Variants in MYO9A observed in about 807,000 individuals in gnomAD.
The protein encoded by MYO9A is unconventional myosin-IXa.
MYO9A carries 103 observed loss-of-function variants against 293.3 expected under a neutral mutation model. The ratio of observed to expected loss-of-function variants is 0.35; its 90% CI spans 0.30 to 0.41. The LOEUF is 0.41. Among genes scored for constraint, MYO9A ranks in the 10% least tolerant of loss-of-function variants. The pLI, the probability that MYO9A is intolerant of heterozygous loss-of-function variation, is 1.00. For missense variants in MYO9A, 2,685 were observed against 3,033.0 expected (o/e 0.89, Z 2.69); for synonymous variants, 1,001 against 1,035.7 (o/e 0.97, Z 0.64).
At chr15:71,880,843 G>A (rs2056851644) in intron 28 of MYO9A, among the ~76,000 whole-genome samples, 1 of 152,108 alleles carries the variant, frequency 6.6e-6, no homozygotes, top group Non-Finnish European at 1.5e-5. Flanking sequence ...GAAATGCTTT[G>A]CAGGACGTCA....
At chr15:71,913,426 C>T (rs2057918003) in intron 19 of MYO9A, among the ~76,000 whole-genome samples, 1 of 152,158 alleles carries the variant, frequency 6.6e-6, no homozygotes, top group South Asian at 2.1e-4. Context: ...CGTCCAGAGA[C>T]TCTGTCATCA....
chr15:72,051,402 C>T (rs1353162024), intron 1 of MYO9A, among the ~76,000 whole-genome samples: 1 of 152,118 alleles, frequency 6.6e-6, no homozygotes, highest in Non-Finnish European at 1.5e-5. Flanking sequence ...CGGCCACCTG[C>T]CCAGGTGGGC....
chr15:72,101,648 T>A, intron 1 of MYO9A, among the ~76,000 whole-genome samples: 1 of 105,132 alleles, frequency 9.5e-6, no homozygotes, highest in Admixed American at 1.0e-4. Context: ...GGTGGGGGGG[T>A]CAGGCCCCGC....
At chr15:71,851,214 G>A (rs1390653145) in intron 37 of MYO9A, 39 bp downstream of exon 37, 3 of 1,451,014 alleles carry the variant, frequency 2.1e-6, no homozygotes, top group African/African-American at 1.4e-5. Context: ...TAATCCAAGA[G>A]AAACTATTAA....
At chr15:72,018,982 T>C in intron 6 of MYO9A, 57 bp downstream of exon 6, 1 of 1,361,874 alleles carries the variant, frequency 7.3e-7, no homozygotes, top group Non-Finnish European at 1.0e-6. Context: ...TGGATGCAAA[T>C]GCGCAATGTG....
chr15:72,004,126 T>C (rs1193168634), intron 8 of MYO9A, among the ~76,000 whole-genome samples: 4 of 152,242 alleles, frequency 2.6e-5, no homozygotes, highest in Non-Finnish European at 5.9e-5. Context: ...AGCTCTTCTA[T>C]AATTTTCTAA....
At chr15:71,928,658 T>C (rs868054333) in intron 18 of MYO9A, among the ~76,000 whole-genome samples, 2 of 152,130 alleles carry the variant, frequency 1.3e-5, no homozygotes, top group Non-Finnish European at 2.9e-5. Context: ...TTTTAACCTC[T>C]TTGGTTGAAT....
intron 12 of MYO9A, among the ~76,000 whole-genome samples, chr15:71,970,787 T>C (rs146967772): frequency 3.9e-5 from 6 of 152,334 alleles, no homozygotes; most frequent in African/African-American, 1.2e-4. Context: ...GTTCTTCATT[T>C]TATTGAGCCA....
chr15:71,868,375 T>C (rs1462161594), intron 32 of MYO9A, among the ~76,000 whole-genome samples: 1 of 152,234 alleles, frequency 6.6e-6, no homozygotes, highest in Non-Finnish European at 1.5e-5. Context: ...CTATGTCTCC[T>C]GCATCATCTT....
At chr15:72,099,316 T>G (rs1027848972) in intron 1 of MYO9A, among the ~76,000 whole-genome samples, 1 of 150,288 alleles carries the variant, frequency 6.7e-6, no homozygotes, top group African/African-American at 2.5e-5. Context: ...GGTGCACACC[T>G]GTGGTCTCAG....
Position 71,951,861 on chromosome 15 carries a change from T to A in MYO9A, c.2218A>T (p.Ser740Cys). 6.2e-7 allele frequency: 1 copy of A among 1,612,214 alleles called. No homozygotes were observed. ...DDTAPCAILK[S>C]MDSFSFLQHP... ...TGGAGAAAGCTAAAACTATCCATAC[T>A]TTTCAAAATTGCACATGGCGCTGTA... is the stretch of plus-strand genomic sequence containing the variant. Residue 740 changes from serine to cysteine, a missense_variant, in exon 15 of 42, where the codon AGT becomes TGT. Ser to Cys is a moderately radical substitution (Grantham distance 112). This residue lies in a region of MYO9A where 1,434 missense variants were observed against 1,497.7 expected (regional missense o/e 0.96). Transcript: ENST00000356056.
At chr15:72,052,228 C>G (rs2078587415) in intron 1 of MYO9A, among the ~76,000 whole-genome samples, 1 of 152,190 alleles carries the variant, frequency 6.6e-6, no homozygotes, top group African/African-American at 2.4e-5. Context: ...CAACTACCAG[C>G]TGCAGTGAGG....
chr15:72,090,981 A>T (rs756754868), intron 1 of MYO9A, among the ~76,000 whole-genome samples: 22 of 147,716 alleles, frequency 1.5e-4, no homozygotes, highest in Non-Finnish European at 2.0e-4. Context: ...CAGCAAAAAA[A>T]AAATAAATAA....
chr15:72,036,084 G>A (rs1220430840), intron 2 of MYO9A, among the ~76,000 whole-genome samples: 1 of 152,000 alleles, frequency 6.6e-6, no homozygotes, highest in South Asian at 2.1e-4. Context: ...GACAATTTCA[G>A]ATATACATAG....
Position 72,108,076 on chromosome 15 carries a change from T to C in MYO9A, c.-72+9604A>G, listed in dbSNP as rs544266449. ...ATTTTGCAATCCTTAATTAAATACC[T>C]AAGGATCAAAAAAGATGCTAAAATT... On this transcript the variant is annotated intron_variant, in intron 1 of 41. Coordinates refer to ENST00000356056, the MANE Select transcript of MYO9A (RefSeq NM_006901.4). Among the ~76,000 whole-genome samples, 21 of 152,206 alleles carry C rather than the reference T, an allele frequency of 1.4e-4. 2 individuals carry two copies. In the South Asian group the frequency reaches 4.4e-3, roughly 32 times the overall value.
intron 1 of MYO9A, among the ~76,000 whole-genome samples, chr15:72,072,683 T>A (rs1045840052): frequency 3.9e-5 from 6 of 152,188 alleles, no homozygotes; most frequent in Non-Finnish European, 5.9e-5. Context: ...ATTCTCACTT[T>A]TAAGTGGGAG....
At chr15:71,929,164 T>C (rs1480787226) in intron 18 of MYO9A, among the ~76,000 whole-genome samples, 2 of 152,186 alleles carry the variant, frequency 1.3e-5, no homozygotes, top group South Asian at 2.1e-4. Context: ...GGAATTTATA[T>C]ATCAGTTCTA....
intron 2 of MYO9A, among the ~76,000 whole-genome samples, chr15:72,042,003 C>T (rs2078240248): frequency 6.9e-6 from 1 of 145,216 alleles, no homozygotes; most frequent in Admixed American, 6.9e-5. Context: ...TAATGAATTC[C>T]AACACTGACA....
chr15:72,048,088 C>T (rs1335288659), intron 1 of MYO9A, among the ~76,000 whole-genome samples: 1 of 151,690 alleles, frequency 6.6e-6, no homozygotes, highest in Admixed American at 6.6e-5. Context: ...GAGATTAATA[C>T]AAAACATATA....
Sources: gnomAD v4.1 joint callset for allele counts (sites outside exome capture counted in the v4.1 genomes callset) on GRCh38, gnomAD v4.1.1 for gene constraint, gnomAD v4.1.1 regional missense constraint, MANE v1.5 for transcripts, NCBI Gene and HGNC (gene_info 2026-07-23, HGNC 2026-07-21) for gene names.